NDUFAF2: variants seen among roughly 807,000 people sequenced by gnomAD.
The protein encoded by NDUFAF2 is NADH dehydrogenase [ubiquinone] 1 alpha subcomplex assembly factor 2.
A neutral mutation model predicts 22.8 loss-of-function variants in NDUFAF2; 13 were observed. The ratio of observed to expected loss-of-function variants is 0.57; its 90% CI spans 0.37 to 0.91. The LOEUF (loss-of-function observed/expected upper bound fraction) is 0.91. Ranked by LOEUF, NDUFAF2 falls within the 40% of genes least tolerant of loss-of-function variation. NDUFAF2 has a pLI of 0.01. For synonymous variants in NDUFAF2, 53 were observed against 64.2 expected, an observed-to-expected ratio of 0.83 and a Z score of 0.84; for missense variants, 162 against 195.2, an observed-to-expected ratio of 0.83 and a Z score of 1.01.
At chr5:60,945,526 C>T in intron 1 of NDUFAF2, 144 bp downstream of exon 1, 2 of 1,215,454 alleles carry the variant, frequency 1.6e-6, no homozygotes, top group Non-Finnish European at 2.4e-6. Flanking sequence ...TCGTTCTCCC[C>T]TGTCGACCCC....
intron 1 of NDUFAF2, among the ~76,000 whole-genome samples, chr5:60,973,887 CT>C (rs1344243394): frequency 3.1e-4 from 47 of 152,262 alleles, no homozygotes; most frequent in African/African-American, 1.1e-3. Context: ...TCACTGCAAC[CT>C]TTGCCTCCCA....
chr5:60,968,772 C>G (rs536992192), intron 1 of NDUFAF2, among the ~76,000 whole-genome samples: 97 of 151,786 alleles, frequency 6.4e-4, no homozygotes, highest in Middle Eastern at 3.4e-3. Flanking sequence ...CAATTGTCAC[C>G]CTGTTGTGCT....
intron 1 of NDUFAF2, among the ~76,000 whole-genome samples, chr5:61,064,424 T>C (rs1752204632): frequency 6.6e-6 from 1 of 152,072 alleles, no homozygotes; most frequent in South Asian, 2.1e-4. Context: ...GAACTTTGCA[T>C]CCAACAACAA....
intron 1 of NDUFAF2, among the ~76,000 whole-genome samples, chr5:60,956,088 A>G (rs773217117): frequency 2.0e-5 from 3 of 151,852 alleles, no homozygotes; most frequent in Non-Finnish European, 4.4e-5. Context: ...TTTTGTAGAG[A>G]TGAGATTTCA....
intron 1 of NDUFAF2, among the ~76,000 whole-genome samples, chr5:61,016,656 G>A (rs1419029479): frequency 6.6e-6 from 1 of 152,160 alleles, no homozygotes; most frequent in Non-Finnish European, 1.5e-5. Context: ...CTCCGCTATT[G>A]TGGTAGGAGT....
At chr5:61,066,584 T>C (rs1171833542) in intron 1 of NDUFAF2, among the ~76,000 whole-genome samples, 1 of 124,360 alleles carries the variant, frequency 8.0e-6, no homozygotes, top group Non-Finnish European at 1.6e-5. Flanking sequence ...TATACATATA[T>C]GGTCAACTAA....
chr5:61,077,971 A>C (rs1580124564), intron 2 of NDUFAF2, among the ~76,000 whole-genome samples: 1 of 152,162 alleles, frequency 6.6e-6, no homozygotes, highest in East Asian at 1.9e-4. Context: ...TTTTTACTCA[A>C]TATTATACTG....
intron 1 of NDUFAF2, among the ~76,000 whole-genome samples, chr5:61,007,329 A>G (rs559170826): frequency 8.0e-4 from 121 of 152,124 alleles, no homozygotes; most frequent in African/African-American, 2.8e-3. Context: ...TCAGCTTTCT[A>G]CATATGGCTA....
rs1344477341 is a variant in NDUFAF2, at chr5:61,128,368, T to C, written c.259-24336T>C. 8.5e-5 allele frequency among the ~76,000 whole-genome samples: 13 copies of C among 152,148 alleles called. 1 individual carries two copies. Among genetic ancestry groups the C allele is most frequent in the Admixed American group, 8.5e-4 (13 of 15,252 alleles). On this transcript the variant is annotated intron_variant, in intron 3 of 3. Transcript: ENST00000296597. ...CAATCCTAAGCTAAAAGAACAAAGC[T>C]GGAGGCATCACGCTACCTGACTTCA...
At chr5:61,002,384 A>G (rs1751308101) in intron 1 of NDUFAF2, among the ~76,000 whole-genome samples, 2 of 152,156 alleles carry the variant, frequency 1.3e-5, no homozygotes, top group African/African-American at 2.4e-5. Context: ...ATTCTGATTT[A>G]AGATTATGAA....
At chr5:61,056,499 A>G (rs1752092584) in intron 1 of NDUFAF2, among the ~76,000 whole-genome samples, 1 of 152,212 alleles carries the variant, frequency 6.6e-6, no homozygotes, top group African/African-American at 2.4e-5. Context: ...GAACTAAAAT[A>G]GAGAACAAAG....
At chr5:60,979,852 T>A (rs1750953265) in intron 1 of NDUFAF2, among the ~76,000 whole-genome samples, 1 of 152,184 alleles carries the variant, frequency 6.6e-6, no homozygotes, top group African/African-American at 2.4e-5. Flanking sequence ...GTCACTGTAG[T>A]CCTTAGTGAG....
intron 1 of NDUFAF2, among the ~76,000 whole-genome samples, chr5:61,030,554 C>A (rs564466702): frequency 6.6e-6 from 1 of 152,074 alleles, no homozygotes; most frequent in East Asian, 1.9e-4. Flanking sequence ...TAATTTAGGT[C>A]TTTTATATAT....
intron 1 of NDUFAF2, among the ~76,000 whole-genome samples, chr5:61,048,687 C>T (rs745891171): frequency 6.6e-6 from 1 of 152,106 alleles, no homozygotes; most frequent in Non-Finnish European, 1.5e-5. Context: ...TCCTAACATC[C>T]AAATAAGAAT....
At chr5:61,061,371 TTATC>T (rs549523533) in intron 1 of NDUFAF2, among the ~76,000 whole-genome samples, 8 of 152,104 alleles carry the variant, frequency 5.3e-5, no homozygotes, top group South Asian at 2.1e-4. Flanking sequence ...ATTCATCTAT[TTATC>T]TATATTGTTT....
chr5:61,001,103 T>C (rs566926426), intron 1 of NDUFAF2, among the ~76,000 whole-genome samples: 27 of 152,248 alleles, frequency 1.8e-4, no homozygotes, highest in Non-Finnish European at 2.8e-4. Flanking sequence ...TCTATTCTTA[T>C]TCTCTTTCTT....
At chr5:61,089,220 C>A (rs1252768472) in intron 2 of NDUFAF2, among the ~76,000 whole-genome samples, 34 of 152,088 alleles carry the variant, frequency 2.2e-4, no homozygotes, top group Admixed American at 2.2e-3. Flanking sequence ...GATGAGAATG[C>A]AAATGAATAT....
chr5:61,056,095 G>A (rs946316559), intron 1 of NDUFAF2, among the ~76,000 whole-genome samples: 1 of 152,104 alleles, frequency 6.6e-6, no homozygotes, highest in Admixed American at 6.5e-5. Context: ...TAAGAAAGTA[G>A]CAAGAAATAG....
chr5:61,113,586 C>T (rs1752872480), intron 3 of NDUFAF2, among the ~76,000 whole-genome samples: 1 of 152,086 alleles, frequency 6.6e-6, no homozygotes, highest in South Asian at 2.1e-4. Context: ...TGAGTTCTCA[C>T]ACAATCTGAT....
Sources: allele counts gnomAD v4.1 joint callset (sites outside exome capture counted in the v4.1 genomes callset), GRCh38; gene constraint gnomAD v4.1.1; transcripts MANE v1.5; gene names NCBI Gene and HGNC (gene_info 2026-07-23, HGNC 2026-07-21).